TMEM71: variants seen among roughly 807,000 people sequenced by gnomAD.
TMEM71 encodes transmembrane protein 71.
TMEM71 carries 44 observed loss-of-function variants against 38.0 expected under a neutral mutation model. That is an observed-to-expected ratio of 1.16 (90% CI 0.91 to 1.49). TMEM71 has a LOEUF of 1.49. TMEM71 is among the 40% of genes most tolerant of loss of function. The pLI, the probability that TMEM71 is intolerant of heterozygous loss-of-function variation, is 0.00. For synonymous variants in TMEM71, 133 were observed against 122.5 expected (o/e 1.09, Z -0.56); for missense variants, 367 against 348.6 (o/e 1.05, Z -0.42).
intron 5 of TMEM71, among the ~76,000 whole-genome samples, chr8:132,731,950 C>T (rs1827481527): frequency 6.6e-6 from 1 of 152,120 alleles, no homozygotes; most frequent in Non-Finnish European, 1.5e-5. Context: ...CAGAGAAGAC[C>T]CCCAAGCCAG....
At chr8:132,722,203 A>G in intron 6 of TMEM71, 88 bp from the exon 7 acceptor site, 1 of 884,018 alleles carries the variant, frequency 1.1e-6, no homozygotes, top group Non-Finnish European at 1.7e-6. Context: ...CTTCCCTTGT[A>G]CCCACCAAAA....
chr8:132,727,584 A>G (rs1331503889), intron 6 of TMEM71, among the ~76,000 whole-genome samples: 1 of 151,146 alleles, frequency 6.6e-6, no homozygotes, highest in Admixed American at 6.6e-5. Context: ...AAAACACTGC[A>G]GATCCAGTTA....
intron 5 of TMEM71, among the ~76,000 whole-genome samples, chr8:132,729,866 G>A (rs1210258645): frequency 6.6e-6 from 1 of 152,196 alleles, no homozygotes; most frequent in African/African-American, 2.4e-5. Context: ...AGTTCTAGGA[G>A]AAGGCATGAA....
At chr8:132,745,235 T>C (rs889419118) in intron 5 of TMEM71, among the ~76,000 whole-genome samples, 2 of 151,976 alleles carry the variant, frequency 1.3e-5, no homozygotes, top group Non-Finnish European at 1.5e-5. Context: ...CAAGAGTAAA[T>C]ATACAACCTA....
downstream of TMEM71, among the ~76,000 whole-genome samples, chr8:132,709,348 A>T (rs1251071732): frequency 6.6e-6 from 1 of 152,230 alleles, no homozygotes; most frequent in African/African-American, 2.4e-5. Flanking sequence ...CATGGGACAT[A>T]TCCCAGACCT....
the TMEM71 span, among the ~76,000 whole-genome samples, chr8:132,767,476 T>TC: frequency 1.4e-5 from 2 of 142,250 alleles, no homozygotes; most frequent in African/African-American, 2.5e-5. Context: ...CCTACCTCTT[T>TC]GGTTTTTTTT....
At chr8:132,737,476 C>A (rs192316658) in intron 5 of TMEM71, among the ~76,000 whole-genome samples, 2 of 152,338 alleles carry the variant, frequency 1.3e-5, no homozygotes, top group Admixed American at 1.3e-4. Context: ...ACACCACACT[C>A]TCTTGCTTCC....
chr8:132,717,056 G>A (rs570422898), intron 7 of TMEM71, among the ~76,000 whole-genome samples: 14 of 152,300 alleles, frequency 9.2e-5, no homozygotes, highest in African/African-American at 3.4e-4. Flanking sequence ...TGAAGTTGAA[G>A]CATTACTTTA....
chr8:132,712,998 G>A (rs759720472), intron 9 of TMEM71, among the ~76,000 whole-genome samples: 14 of 151,708 alleles, frequency 9.2e-5, no homozygotes, highest in South Asian at 4.1e-4. Context: ...CTGCAGGTGC[G>A]CATCAGCACA....
intron 5 of TMEM71, among the ~76,000 whole-genome samples, chr8:132,729,654 C>A (rs979257257): frequency 1.3e-5 from 2 of 152,134 alleles, no homozygotes; most frequent in African/African-American, 4.8e-5. Flanking sequence ...TCTAAGCATA[C>A]GCTGTGGACA....
intron 7 of TMEM71, among the ~76,000 whole-genome samples, chr8:132,716,696 G>A (rs1452622520): frequency 1.3e-5 from 2 of 152,032 alleles, no homozygotes; most frequent in Non-Finnish European, 2.9e-5. Context: ...AACCCCCTTC[G>A]GTATTGAGGG....
chr8:132,742,400 A>G (rs530341858), intron 5 of TMEM71, among the ~76,000 whole-genome samples: 104 of 152,246 alleles, frequency 6.8e-4, no homozygotes, highest in Non-Finnish European at 1.3e-3. Flanking sequence ...ACAACAACAA[A>G]AAAACACTCC....
rs1401603025 is a variant in TMEM71 at position 132,710,759 on chromosome 8, A to G, written c.*208T>C. ...CTGCCGGTGTTTGCAAAGGGAAGGC[A>G]AATTAATATTATTTTCATGAGCATA... On this transcript the variant is annotated 3_prime_UTR_variant, in exon 10 of 10. Coordinates refer to ENST00000677595, the MANE Select transcript of TMEM71 (RefSeq NM_001382403.1). The G allele has an allele frequency of 1.7e-6, 1 of 588,418 alleles. No individual in the cohort carries two copies. Among genetic ancestry groups the G allele is most frequent in the Non-Finnish European group, 3.0e-6 (1 of 332,732 alleles). 36.4% of individuals were successfully genotyped at this position (588,418 alleles called of 1,614,324 possible).
At chr8:132,723,108 T>A (rs1826943659) in intron 6 of TMEM71, among the ~76,000 whole-genome samples, 1 of 152,214 alleles carries the variant, frequency 6.6e-6, no homozygotes, top group Non-Finnish European at 1.5e-5. Flanking sequence ...CAAAACCTAC[T>A]TAGCCCATAA....
chr8:132,769,082 T>C, the TMEM71 span, among the ~76,000 whole-genome samples: 1 of 152,398 alleles, frequency 6.6e-6, no homozygotes, highest in South Asian at 2.1e-4. Flanking sequence ...ACACCACAGA[T>C]GTTCAATAAA....
intron 5 of TMEM71, among the ~76,000 whole-genome samples, chr8:132,736,905 A>C (rs534677681): frequency 1.3e-5 from 2 of 152,172 alleles, no homozygotes; most frequent in Non-Finnish European, 2.9e-5. Flanking sequence ...TAAGTATACG[A>C]GGTGATGGAT....
the TMEM71 span, among the ~76,000 whole-genome samples, chr8:132,772,097 A>G: frequency 6.6e-6 from 1 of 152,250 alleles, no homozygotes; most frequent in South Asian, 2.1e-4. Flanking sequence ...TGTAAATATT[A>G]AGTAAACACA....
upstream of TMEM71, among the ~76,000 whole-genome samples, chr8:132,763,064 A>C (rs1255700594): frequency 1.3e-5 from 2 of 152,094 alleles, no homozygotes; most frequent in Non-Finnish European, 2.9e-5. Flanking sequence ...CTACTTCAAG[A>C]TCTTTGAGGT....
chr8:132,723,840 A>C (rs960408483), intron 6 of TMEM71, among the ~76,000 whole-genome samples: 4 of 152,124 alleles, frequency 2.6e-5, no homozygotes, highest in Non-Finnish European at 5.9e-5. Context: ...AGGGGAACCC[A>C]CCCCCAACAT....
Sources: gnomAD v4.1 joint callset for allele counts (sites outside exome capture counted in the v4.1 genomes callset) on GRCh38, gnomAD v4.1.1 for gene constraint, MANE v1.5 for transcripts, NCBI Gene and HGNC (gene_info 2026-07-23, HGNC 2026-07-21) for gene names.